The following CDH23 variants were observed in gnomAD, a reference collection of about 807,000 sequenced individuals.
CDH23 encodes cadherin related 23.
CDH23 carries 189 observed loss-of-function variants against 317.1 expected under a neutral mutation model. The observed-to-expected ratio is 0.60, with a 90% confidence interval of 0.53 to 0.67. The LOEUF is 0.67. Among genes scored for constraint, CDH23 ranks in the 30% least tolerant of loss-of-function variants. The pLI is 0.00. For synonymous variants in CDH23, 1,839 were observed against 1,876.8 expected (o/e 0.98, Z 0.52); for missense variants, 4,401 against 4,592.4 (o/e 0.96, Z 1.20).
intron 46 of CDH23, 145 bp from the exon 47 acceptor site, chr10:71,790,987 C>T (rs1589423340): frequency 2.9e-6 from 2 of 678,748 alleles, no homozygotes; most frequent in East Asian, 5.4e-5. Flanking sequence ...GGGAGAAAGT[C>T]ATTTTGTTAC....
At chr10:71,658,673 T>C (rs1863518991) in intron 14 of CDH23, among the ~76,000 whole-genome samples, 1 of 152,206 alleles carries the variant, frequency 6.6e-6, no homozygotes, top group Admixed American at 6.5e-5. Context: ...CTGTCTCTTC[T>C]GTACCCATTG....
At chr10:71,574,597 G>T (rs554770668) in intron 8 of CDH23, among the ~76,000 whole-genome samples, 1 of 152,248 alleles carries the variant, frequency 6.6e-6, no homozygotes, top group African/African-American at 2.4e-5. Context: ...CCTTAATCCC[G>T]TCATGGAAAT....
At chr10:71,561,309 C>G (rs1378733010) in intron 6 of CDH23, among the ~76,000 whole-genome samples, 2 of 151,888 alleles carry the variant, frequency 1.3e-5, no homozygotes, top group Non-Finnish European at 2.9e-5. Context: ...CTTGCCCCTC[C>G]TCCCTGCCCC....
intron 52 of CDH23, among the ~76,000 whole-genome samples, chr10:71,800,166 A>C (rs1841517520): frequency 6.6e-6 from 1 of 152,162 alleles, no homozygotes. Context: ...CAAAGCTGTT[A>C]TTTTCAGTAT....
intron 3 of CDH23, among the ~76,000 whole-genome samples, chr10:71,507,427 C>T (rs756495259): frequency 3.3e-5 from 5 of 152,194 alleles, no homozygotes; most frequent in Non-Finnish European, 5.9e-5. Context: ...CATGGTGGCT[C>T]GCACCTGTAA....
rs1033921778 is a variant in CDH23, at chr10:71,510,974, G to A, written c.309G>A (p.Val103=). 3 of 1,613,730 alleles carry A rather than the reference G, an allele frequency of 1.9e-6. No homozygotes were observed. In the African/African-American group the frequency reaches 4.0e-5, roughly 22 times the overall value. ...TTCAGACCAAGTCAGAGTTCACCGT[G>A]GAGTTCTCTGTCAGCGACCACCAGG... ...LDRETKSEFT[V]EFSVSDHQGV... is the part of the protein sequence containing the mutation. Residue 103 remains valine, a synonymous_variant, in exon 5 of 70, where the codon GTG becomes GTA. Coordinates refer to ENST00000224721, the MANE Select transcript of CDH23 (RefSeq NM_022124.6).
intron 1 of CDH23, among the ~76,000 whole-genome samples, chr10:71,406,881 C>A (rs1848121311): frequency 6.6e-6 from 1 of 152,130 alleles, no homozygotes; most frequent in Admixed American, 6.5e-5. Context: ...CATAGATGGC[C>A]AGTTTATGAC....
intron 27 of CDH23, among the ~76,000 whole-genome samples, chr10:71,710,277 C>T (rs914545308): frequency 1.2e-4 from 19 of 152,226 alleles, no homozygotes; most frequent in Non-Finnish European, 2.6e-4. Flanking sequence ...GGCAGAAGCC[C>T]TCAGATCAGC....
At chr10:71,583,529 G>A (rs1589233277) in intron 9 of CDH23, among the ~76,000 whole-genome samples, 1 of 152,162 alleles carries the variant, frequency 6.6e-6, no homozygotes, top group Non-Finnish European at 1.5e-5. Context: ...CCAGCCACAG[G>A]CCACATTAGG....
At chr10:71,682,599 C>T in intron 18 of CDH23, 27 bp downstream of exon 18, 1 of 1,609,658 alleles carries the variant, frequency 6.2e-7, no homozygotes, top group Non-Finnish European at 8.5e-7. Flanking sequence ...ACTGGCCTTG[C>T]CCTGCTAGTG....
intron 6 of CDH23, among the ~76,000 whole-genome samples, chr10:71,537,649 T>C (rs1421874628): frequency 6.6e-6 from 1 of 152,162 alleles, no homozygotes; most frequent in Non-Finnish European, 1.5e-5. Context: ...TTTCTCCTCC[T>C]GCCTGTCCCA....
At chr10:71,560,391 G>C (rs778610224) in intron 6 of CDH23, among the ~76,000 whole-genome samples, 1 of 151,944 alleles carries the variant, frequency 6.6e-6, no homozygotes, top group Non-Finnish European at 1.5e-5. Flanking sequence ...CCAAACCTCT[G>C]TTCTCTTACC....
intron 1 of CDH23, among the ~76,000 whole-genome samples, chr10:71,424,886 GCTCAGGGAAGGCTC>G (rs1452087624): frequency 6.6e-6 from 1 of 152,176 alleles, no homozygotes; most frequent in Non-Finnish European, 1.5e-5. Flanking sequence ...GCTGAGAGGA[GCTCAGGGAAGGCTC>G]CTCAGTCCCC....
At chr10:71,463,846 C>A (rs1444824226) in intron 3 of CDH23, among the ~76,000 whole-genome samples, 3 of 152,220 alleles carry the variant, frequency 2.0e-5, no homozygotes, top group Non-Finnish European at 2.9e-5. Flanking sequence ...CCTAGGCCTG[C>A]TGGGGTTCCC....
intron 6 of CDH23, among the ~76,000 whole-genome samples, chr10:71,563,729 C>CT (rs568586770): frequency 2.0e-5 from 3 of 149,922 alleles, no homozygotes; most frequent in African/African-American, 7.3e-5. Context: ...TCTTATAATA[C>CT]TTTTTTTTTC....
chr10:71,507,537 C>T lies in CDH23; in HGVS notation c.146-2545C>T, dbSNP rs143252981. On this transcript the variant is annotated intron_variant, in intron 3 of 69. Transcript: ENST00000224721. ...TGAAACCCCATCTCTACTAAAACTA[C>T]GAAAAATTAGCTGGGCATGGTGGCT... 1.0e-2 allele frequency among the ~76,000 whole-genome samples: 1,516 copies of T among 152,110 alleles called. 23 individuals carry two copies. The highest frequency in any genetic ancestry group is 0.034 in the African/African-American group (1,425 of 41,496).
chr10:71,670,986 G>T (rs1453220464), intron 14 of CDH23, among the ~76,000 whole-genome samples: 1 of 144,284 alleles, frequency 6.9e-6, no homozygotes, highest in Non-Finnish European at 1.5e-5. Flanking sequence ...TTTTTTGACA[G>T]GGTCTCACTG....
At chr10:71,809,477 C>A (rs1344741761) in intron 60 of CDH23, among the ~76,000 whole-genome samples, 5 of 152,094 alleles carry the variant, frequency 3.3e-5, no homozygotes, top group Non-Finnish European at 7.4e-5. Context: ...CACACCCGGG[C>A]TTATTTGTGG....
chr10:71,612,033 C>CCAGA (rs1170453777), intron 9 of CDH23, among the ~76,000 whole-genome samples: 1 of 152,162 alleles, frequency 6.6e-6, no homozygotes, highest in Admixed American at 6.5e-5. Flanking sequence ...TAGCAGCATC[C>CCAGA]CAGAGAGTAC....
Sources: gnomAD v4.1 joint callset for allele counts (sites outside exome capture counted in the v4.1 genomes callset) on GRCh38, gnomAD v4.1.1 for gene constraint, MANE v1.5 for transcripts, NCBI Gene and HGNC (gene_info 2026-07-23, HGNC 2026-07-21) for gene names.